Variants in AACS observed in about 807,000 individuals in gnomAD.
AACS encodes the protein acetoacetyl-CoA synthetase.
In AACS, 69 loss-of-function variants were observed where a neutral mutation model predicts 83.1. That is an observed-to-expected ratio of 0.83 (90% CI 0.68 to 1.01). The LOEUF (loss-of-function observed/expected upper bound fraction) is 1.01, where lower values mean the gene tolerates loss of function less well. Ranked by LOEUF, AACS falls within the 50% of genes least tolerant of loss-of-function variation. AACS has a pLI of 0.00. For missense variants in AACS, 866 were observed against 882.2 expected (o/e 0.98, Z 0.23); for synonymous variants, 333 against 343.4 (o/e 0.97, Z 0.33).
At chr12:125,092,826 G>A (rs1047952947) in intron 5 of AACS, 1 of 152,562 alleles carries the variant, frequency 6.6e-6, no homozygotes, top group Non-Finnish European at 1.5e-5. Context: ...GGGTCTGGAG[G>A]GGTGGAGTTC....
At chr12:125,117,426 AAT>A (rs1957074427) in intron 9 of AACS, 1 of 152,072 alleles carries the variant, frequency 6.6e-6, no homozygotes, top group Middle Eastern at 3.4e-3. Flanking sequence ...AAAAAAAAAA[AAT>A]GTTTCTCCAT....
intron 8 of AACS, among the ~76,000 whole-genome samples, chr12:125,109,712 A>G (rs963991802): frequency 6.6e-6 from 1 of 152,184 alleles, no homozygotes; most frequent in Non-Finnish European, 1.5e-5. Context: ...CTAGCAGCTC[A>G]GGCGGTGGCA....
chr12:125,114,365 A>T, intron 8 of AACS, 112 bp from the exon 9 acceptor site: 1 of 772,012 alleles, frequency 1.3e-6, no homozygotes, highest in Non-Finnish European at 2.0e-6. Context: ...GAAAATGGGG[A>T]TCTGCTGGGG....
Position 125,086,332 on chromosome 12 carries a change from G to A in AACS, c.361G>A (p.Glu121Lys), listed in dbSNP as rs1433268784. ...ATTTACCCTTTTTCTCTTCCCAGGG[G>A]AAGGCAAAGAGGAAATTGTGAAGGT... ...NDRVALYIAR[E>K]GKEEIVKVTF... The change falls in exon 4 of 18, where the codon GAA becomes AAA. Residue 121 changes from glutamate (E) to lysine (K), a missense_variant and splice_region_variant. Glu to Lys is a moderately conservative substitution (Grantham distance 56). Transcript: ENST00000316519. 2 of 1,614,074 alleles carry A rather than the reference G, an allele frequency of 1.2e-6. No homozygotes were observed. The highest frequency in any genetic ancestry group is 2.2e-5 in the East Asian group (1 of 44,892).
intron 3 of AACS, among the ~76,000 whole-genome samples, chr12:125,083,933 C>T (rs1248136306): frequency 6.6e-6 from 1 of 152,080 alleles, no homozygotes; most frequent in South Asian, 2.1e-4. Context: ...GGATTACAGG[C>T]GTGAGCCACC....
chr12:125,073,809 T>G lies in AACS; in HGVS notation c.134-67T>G, dbSNP rs1171476095. ...GGACATGCTCAAGGCTTCTGAGGTGTGTCCATCTTATTAATGGATTGCCAA... is the reference window on the plus strand; with the variant it reads ...GGACATGCTCAAGGCTTCTGAGGTGGGTCCATCTTATTAATGGATTGCCAA... On this transcript the variant is annotated intron_variant, in intron 1 of 17. Transcript: ENST00000316519. The G allele has an allele frequency of 2.3e-6, 3 of 1,295,038 alleles. No homozygotes were observed. In the Admixed American group the frequency reaches 5.3e-5, roughly 23 times the overall value. The allele number at this position is 1,295,038 out of a possible 1,614,324, so 80.2% of individuals were successfully genotyped here.
intron 16 of AACS, 46 bp downstream of exon 16, chr12:125,134,898 G>C (rs748263852): frequency 8.7e-6 from 14 of 1,610,718 alleles, no homozygotes; most frequent in Non-Finnish European, 1.7e-6. Flanking sequence ...CCAGGAAGGA[G>C]GAGGGTCCTG....
intron 13 of AACS, chr12:125,128,497 G>A (rs778479264): frequency 7.5e-6 from 3 of 399,548 alleles, no homozygotes; most frequent in Non-Finnish European, 1.3e-5. Context: ...TGGAGGACAG[G>A]TGGAGAGATG....
Position 125,130,584 on chromosome 12 carries a change from CTTTA to C in AACS, c.1549+1128_1549+1131del, listed in dbSNP as rs1399994694. On this transcript the variant is annotated intron_variant, in intron 14 of 17. Coordinates refer to ENST00000316519, the MANE Select transcript of AACS (RefSeq NM_023928.5). The surrounding 1 kb of genome is among the most constrained non-coding windows in gnomAD (Gnocchi z 4.9). ...TCTTTGAAAACTCTCTTTTCTGTCA[CTTTA>C]TTTGTCACATGTGCAAGGGTTCATG... Among the ~76,000 whole-genome samples, 3 of 152,356 alleles carry C rather than the reference CTTTA, an allele frequency of 2.0e-5. No homozygotes were observed. The highest frequency in any genetic ancestry group is 4.1e-4 in the South Asian group (2 of 4,828).
chr12:125,106,188 T>C (rs1477859962), intron 7 of AACS, among the ~76,000 whole-genome samples: 1 of 152,346 alleles, frequency 6.6e-6, no homozygotes, highest in East Asian at 1.9e-4. Flanking sequence ...CCTCCTTCCC[T>C]GAGAGAAAGT....
At chr12:125,116,538 T>A (rs936691050) in intron 9 of AACS, among the ~76,000 whole-genome samples, 11 of 152,114 alleles carry the variant, frequency 7.2e-5, no homozygotes, top group South Asian at 2.1e-4. Context: ...ATTTTGGCTC[T>A]CTGCAAGCTC....
At chr12:125,117,367 T>C (rs1326791006) in intron 9 of AACS, among the ~76,000 whole-genome samples, 1 of 152,060 alleles carries the variant, frequency 6.6e-6, no homozygotes, top group African/African-American at 2.4e-5. Context: ...TGAGCCGAGA[T>C]TGTGCCACTG....
intron 1 of AACS, among the ~76,000 whole-genome samples, chr12:125,066,136 C>G (rs1955684930): frequency 6.6e-6 from 1 of 152,160 alleles, no homozygotes; most frequent in Non-Finnish European, 1.5e-5. Flanking sequence ...TTGCCAGTCC[C>G]CAGTGCCGTG....
chr12:125,083,577 G>C (rs79301912), intron 3 of AACS, among the ~76,000 whole-genome samples: 3,417 of 151,880 alleles, frequency 0.022, 59 homozygotes, highest in Non-Finnish European at 0.037. Flanking sequence ...TACTATCAAA[G>C]TTTTTGACAG....
intron 3 of AACS, among the ~76,000 whole-genome samples, chr12:125,085,072 G>C (rs1956299194): frequency 6.6e-6 from 1 of 152,220 alleles, no homozygotes; most frequent in Non-Finnish European, 1.5e-5. Flanking sequence ...GTGATTGCCC[G>C]GGGTGGGGGT....
intron 17 of AACS, chr12:125,141,794 G>A (rs1034764235): frequency 2.9e-5 from 9 of 314,286 alleles, no homozygotes; most frequent in East Asian, 5.9e-5. Context: ...CTCAACAGCC[G>A]TGCCAGGGGG....
At chr12:125,123,395 T>G (rs1023581376) in intron 10 of AACS, 3 of 152,232 alleles carry the variant, frequency 2.0e-5, no homozygotes, top group Non-Finnish European at 4.4e-5. Flanking sequence ...GAAAGAAGCA[T>G]GGGGGATGGT....
intron 3 of AACS, among the ~76,000 whole-genome samples, chr12:125,083,071 A>C (rs372281330): frequency 3.3e-5 from 5 of 152,200 alleles, no homozygotes; most frequent in East Asian, 3.8e-4. Context: ...CTTACCTCCC[A>C]GTTTCTGTGG....
At chr12:125,076,754 T>C in intron 3 of AACS, 143 bp downstream of exon 3, 4 of 1,334,578 alleles carry the variant, frequency 3.0e-6, no homozygotes, top group Non-Finnish European at 1.0e-6. Flanking sequence ...CTGTCGACTT[T>C]ATTTTTGCTG....
Sources: gnomAD v4.1 joint callset for allele counts (sites outside exome capture counted in the v4.1 genomes callset) on GRCh38, gnomAD v4.1.1 for gene constraint, Gnocchi (gnomAD v3.1) non-coding constraint, MANE v1.5 for transcripts, NCBI Gene and HGNC (gene_info 2026-07-23, HGNC 2026-07-21) for gene names.